GALNT13: variants seen among roughly 807,000 people sequenced by gnomAD.
GALNT13 encodes the protein UDP-GalNAc:polypeptide N-acetylgalactosaminyltransferase 13.
Under a neutral mutation model 64.2 loss-of-function variants are expected in GALNT13, and 28 were observed. The observed-to-expected ratio is 0.44, with a 90% CI of 0.32 to 0.60. GALNT13 has a LOEUF of 0.60. GALNT13 is among the 20% of genes least tolerant of loss of function. GALNT13 has a pLI of 0.05. For synonymous variants in GALNT13, 214 were observed against 224.6 expected (o/e 0.95, Z 0.42); for missense variants, 577 against 669.8 (o/e 0.86, Z 1.53).
the GALNT13 span, among the ~76,000 whole-genome samples, chr2:153,680,296 C>G: frequency 6.6e-6 from 1 of 151,468 alleles, no homozygotes; most frequent in South Asian, 2.1e-4. Context: ...ATCTCTGATT[C>G]CACAGAGAGA....
chr2:153,554,160 C>CAAA, the GALNT13 span, among the ~76,000 whole-genome samples: 51 of 115,194 alleles, frequency 4.4e-4, no homozygotes, highest in Admixed American at 2.1e-3. Flanking sequence ...ACTAAAAATA[C>CAAA]AAAAAAAAAA....
At chr2:153,091,402 T>C in the GALNT13 span, among the ~76,000 whole-genome samples, 2 of 152,174 alleles carry the variant, frequency 1.3e-5, no homozygotes, top group Non-Finnish European at 2.9e-5. Flanking sequence ...TATTTTCAGA[T>C]TCCCCAGTGG....
chr2:153,894,864 T>C (rs1347843428), intron 1 of GALNT13, among the ~76,000 whole-genome samples: 2 of 152,296 alleles, frequency 1.3e-5, no homozygotes, highest in South Asian at 2.1e-4. Flanking sequence ...TCTGACATGC[T>C]GTTCTGATCA....
At chr2:153,937,142 C>T (rs531959227) in intron 2 of GALNT13, among the ~76,000 whole-genome samples, 59 of 152,176 alleles carry the variant, frequency 3.9e-4, no homozygotes, top group Admixed American at 1.5e-3. Context: ...TATATACCCA[C>T]GAACAATGAA....
chr2:153,226,171 A>T, the GALNT13 span, among the ~76,000 whole-genome samples: 6 of 152,018 alleles, frequency 3.9e-5, no homozygotes, highest in East Asian at 7.8e-4. Context: ...TGACCTCGTG[A>T]TCCACCCACC....
At chr2:153,679,049 A>T in the GALNT13 span, among the ~76,000 whole-genome samples, 1 of 151,970 alleles carries the variant, frequency 6.6e-6, no homozygotes, top group Non-Finnish European at 1.5e-5. Flanking sequence ...TACCTATGTT[A>T]TCATGATTGA....
chr2:153,115,769 T>C, the GALNT13 span, among the ~76,000 whole-genome samples: 16 of 152,320 alleles, frequency 1.1e-4, no homozygotes, highest in East Asian at 2.7e-3. Flanking sequence ...ATTGGTCTTA[T>C]GCATTTATAA....
chr2:153,511,394 A>C, the GALNT13 span, among the ~76,000 whole-genome samples: 1 of 152,190 alleles, frequency 6.6e-6, no homozygotes, highest in South Asian at 2.1e-4. Context: ...GTAACAGGTG[A>C]GAAAACCGAG....
the GALNT13 span, among the ~76,000 whole-genome samples, chr2:153,726,766 C>T: frequency 6.6e-6 from 1 of 151,940 alleles, no homozygotes; most frequent in South Asian, 2.1e-4. Flanking sequence ...CGGTGAAACC[C>T]TGTCTCTCCT....
At chr2:153,616,786 T>G in the GALNT13 span, among the ~76,000 whole-genome samples, 2 of 152,086 alleles carry the variant, frequency 1.3e-5, no homozygotes, top group Non-Finnish European at 2.9e-5. Flanking sequence ...TTCTGCAGTA[T>G]GAATGAATTT....
the GALNT13 span, among the ~76,000 whole-genome samples, chr2:153,803,495 A>C: frequency 2.0e-5 from 3 of 152,072 alleles, no homozygotes; most frequent in Non-Finnish European, 4.4e-5. Context: ...GATCGAGACC[A>C]TCCTGGCTAA....
At chr2:153,231,430 T>C in the GALNT13 span, among the ~76,000 whole-genome samples, 1 of 152,234 alleles carries the variant, frequency 6.6e-6, no homozygotes, top group South Asian at 2.1e-4. Flanking sequence ...ATCAAAGTCA[T>C]GTTGTTTAAA....
At chr2:154,043,516 C>G (rs919973276) in intron 3 of GALNT13, among the ~76,000 whole-genome samples, 3 of 143,538 alleles carry the variant, frequency 2.1e-5, no homozygotes, top group African/African-American at 7.8e-5. Context: ...ATTTAAAAAT[C>G]TAACAGTTAT....
At chr2:154,411,977 G>A (rs1210179623) in intron 11 of GALNT13, among the ~76,000 whole-genome samples, 1 of 151,442 alleles carries the variant, frequency 6.6e-6, no homozygotes, top group African/African-American at 2.4e-5. Context: ...CACTAAACAT[G>A]GCACATACTA....
intron 3 of GALNT13, among the ~76,000 whole-genome samples, chr2:154,020,960 C>A (rs546512088): frequency 1.3e-5 from 2 of 152,282 alleles, no homozygotes; most frequent in Non-Finnish European, 2.9e-5. Flanking sequence ...AATAGGGAAT[C>A]CTTTCCCCAT....
rs1244087209 is a variant in GALNT13, at chr2:153,939,805, C to T, written c.-104-4589C>T. Among the ~76,000 whole-genome samples the T allele has an allele frequency of 1.3e-5, 2 of 152,106 alleles. 1 individual carries two copies. Among genetic ancestry groups the T allele is most frequent in the South Asian group, 4.1e-4 (2 of 4,822 alleles). ...TGCCAGGCACTGTTATAAGAGGTTA[C>T]GTGTTACATCCCTGTACTCATCCTA... On this transcript the variant is annotated intron_variant, in intron 2 of 12. Coordinates refer to ENST00000392825, the MANE Select transcript of GALNT13 (RefSeq NM_052917.4).
chr2:153,539,567 G>A, the GALNT13 span, among the ~76,000 whole-genome samples: 1 of 151,782 alleles, frequency 6.6e-6, no homozygotes, highest in Non-Finnish European at 1.5e-5. Flanking sequence ...ATTGATTTTT[G>A]TATAAAGTGT....
At chr2:153,974,623 A>G (rs1487012089) in intron 3 of GALNT13, among the ~76,000 whole-genome samples, 1 of 152,100 alleles carries the variant, frequency 6.6e-6, no homozygotes, top group African/African-American at 2.4e-5. Flanking sequence ...AATAAATGCT[A>G]TGTAAAAAAA....
chr2:153,110,148 A>G, the GALNT13 span, among the ~76,000 whole-genome samples: 5 of 152,164 alleles, frequency 3.3e-5, no homozygotes, highest in Admixed American at 3.3e-4. Context: ...AAATCATTCC[A>G]TAAATTCTAT....
Sources: gnomAD v4.1 joint callset for allele counts (sites outside exome capture counted in the v4.1 genomes callset) on GRCh38, gnomAD v4.1.1 for gene constraint, MANE v1.5 for transcripts, NCBI Gene and HGNC (gene_info 2026-07-23, HGNC 2026-07-21) for gene names.